Variants in LRRIQ1 observed in about 807,000 individuals in gnomAD.
LRRIQ1 encodes the protein leucine rich repeats and IQ motif containing 1.
LRRIQ1 carries 210 observed loss-of-function variants against 211.9 expected under a neutral mutation model. That is an observed-to-expected ratio of 0.99 (90% CI 0.89 to 1.11). LRRIQ1 has a LOEUF of 1.11. LRRIQ1 is among the 50% of genes most tolerant of loss of function. The pLI is 0.00. For missense variants in LRRIQ1, 2,136 were observed against 1,939.5 expected (o/e 1.10, Z -1.90); for synonymous variants, 699 against 650.1 (o/e 1.08, Z -1.14).
intron 19 of LRRIQ1, among the ~76,000 whole-genome samples, chr12:85,151,432 A>G (rs1035805401): frequency 6.6e-6 from 1 of 151,688 alleles, no homozygotes; most frequent in Non-Finnish European, 1.5e-5. Flanking sequence ...CTAGTTTTAA[A>G]TCATAAAATG....
chr12:85,236,971 A>C (rs1186403759), intron 26 of LRRIQ1, among the ~76,000 whole-genome samples: 2 of 151,096 alleles, frequency 1.3e-5, no homozygotes, highest in African/African-American at 4.9e-5. Context: ...ATAAATGAAT[A>C]ATTGGTTGGA....
At chr12:85,103,867 A>C (rs1462500886) in intron 13 of LRRIQ1, 137 bp from the exon 14 acceptor site, 1 of 338,954 alleles carries the variant, frequency 3.0e-6, no homozygotes, top group Non-Finnish European at 5.3e-6. Context: ...TACAATTATA[A>C]TTGTATATAT....
chr12:85,096,631 C>A (rs1163531824), intron 11 of LRRIQ1, among the ~76,000 whole-genome samples: 9 of 151,542 alleles, frequency 5.9e-5, no homozygotes, highest in African/African-American at 2.2e-4. Context: ...AATGTATATT[C>A]TGTGGTTTAT....
chr12:85,242,013 G>T (rs1895484522), intron 26 of LRRIQ1, among the ~76,000 whole-genome samples: 1 of 151,920 alleles, frequency 6.6e-6, no homozygotes. Flanking sequence ...CGGAAGTGGG[G>T]AGAGCGGCAA....
intron 13 of LRRIQ1, among the ~76,000 whole-genome samples, chr12:85,099,525 A>G (rs912020515): frequency 2.0e-5 from 3 of 151,916 alleles, no homozygotes; most frequent in African/African-American, 7.2e-5. Context: ...CAGAAGATCT[A>G]TTTGAAACCA....
In LRRIQ1 at chr12:85,084,862, G is replaced by T. The variant is rs181330857; in HGVS notation, c.2887+11764G>T. Reference sequence around the variant, plus strand: ...GATCACTTGAACCCAGAAGGCAGAGGTTGCAGTGAGCTGAGATCGCGCCAC... The same window carrying T: ...GATCACTTGAACCCAGAAGGCAGAGTTTGCAGTGAGCTGAGATCGCGCCAC... On this transcript the variant is annotated intron_variant, in intron 11 of 26. Transcript: ENST00000393217. 5.5e-3 allele frequency among the ~76,000 whole-genome samples: 839 copies of T among 151,678 alleles called. 5 individuals carry two copies. The highest frequency in any genetic ancestry group is 0.014 in the Middle Eastern group (4 of 294).
rs746781965 is a variant in LRRIQ1, at chr12:85,124,413, G to A, written c.3901G>A (p.Asp1301Asn). 25 of 1,613,930 alleles carry A rather than the reference G, an allele frequency of 1.5e-5. No individual in the cohort carries two copies. The African/African-American group carries it at 2.8e-4, about 18-fold the overall frequency. ...AATATTAGTATGTCAGAAGAGAGAA[G>A]ACAGCAAGGCAAGCAGTATTCCCAC... ...QEILVCQKRE[D>N]SKASSIPTIR... The change falls in exon 17 of 27, where the codon GAC becomes AAC. Residue 1301 changes from aspartate to asparagine, a missense_variant. Physicochemically the swap from Asp to Asn is conservative, Grantham distance 23. Coordinates refer to ENST00000393217, the MANE Select transcript of LRRIQ1 (RefSeq NM_001079910.2).
At chr12:85,158,066 A>G (rs1890656918) in intron 23 of LRRIQ1, among the ~76,000 whole-genome samples, 1 of 151,868 alleles carries the variant, frequency 6.6e-6, no homozygotes, top group Non-Finnish European at 1.5e-5. Flanking sequence ...TTTCAGAAAG[A>G]TTTTACAAGA....
At chr12:85,231,816 C>A (rs1894954382) in intron 25 of LRRIQ1, among the ~76,000 whole-genome samples, 1 of 152,110 alleles carries the variant, frequency 6.6e-6, no homozygotes, top group South Asian at 2.1e-4. Flanking sequence ...ACCCTCATGA[C>A]CCAAACACCT....
intron 1 of LRRIQ1, among the ~76,000 whole-genome samples, chr12:85,260,815 A>C (rs184404234): frequency 6.6e-6 from 1 of 152,302 alleles, no homozygotes; most frequent in East Asian, 1.9e-4. Flanking sequence ...ATATCAAGCT[A>C]TAGGTTTCCA....
chr12:85,161,685 C>A (rs1890884734), intron 24 of LRRIQ1, among the ~76,000 whole-genome samples: 2 of 152,056 alleles, frequency 1.3e-5, no homozygotes, highest in Admixed American at 1.3e-4. Context: ...TTACACCATC[C>A]TAGAAATGCC....
chr12:85,094,063 A>T (rs1885648272), intron 11 of LRRIQ1, among the ~76,000 whole-genome samples: 1 of 152,194 alleles, frequency 6.6e-6, no homozygotes, highest in Admixed American at 6.6e-5. Flanking sequence ...ATCTCCATAC[A>T]TTCTGAATTA....
chr12:85,138,018 T>C, intron 19 of LRRIQ1, 49 bp downstream of exon 19: 4 of 1,069,156 alleles, frequency 3.7e-6, no homozygotes, highest in Non-Finnish European at 5.4e-6. Context: ...ATACATTAAG[T>C]GTACTATTTT....
chr12:85,084,743 T>C (rs548364704), intron 11 of LRRIQ1, among the ~76,000 whole-genome samples: 22 of 151,930 alleles, frequency 1.4e-4, no homozygotes, highest in African/African-American at 5.3e-4. Flanking sequence ...CTGGCCAACA[T>C]GGTGAAACCC....
chr12:85,081,723 CTTTT>C (rs766961193), intron 11 of LRRIQ1, among the ~76,000 whole-genome samples: 9,333 of 113,096 alleles, frequency 0.083, 326 homozygotes, highest in Middle Eastern at 0.12. Flanking sequence ...TCTTCTTCTT[CTTTT>C]TTTTTTTTTT....
rs779314809 is a variant in LRRIQ1 at position 85,098,488 on chromosome 12, G to A, written c.3021G>A (p.Glu1007=). 1 of 1,611,742 alleles carries A rather than the reference G, an allele frequency of 6.2e-7. No homozygotes were observed. The highest frequency in any genetic ancestry group is 1.1e-5 in the South Asian group (1 of 90,914). The change falls in exon 12 of 27, where the codon GAG becomes GAA. Residue 1007 remains glutamate, a synonymous_variant. Transcript: ENST00000393217. ...CCCATAATCATCTTACTGATGTAGAGGGCGTTGAAAATTGTGGATTGCTCC... is the reference window on the plus strand; with the variant it reads ...CCCATAATCATCTTACTGATGTAGAAGGCGTTGAAAATTGTGGATTGCTCC... ...DCSHNHLTDV[E]GVENCGLLQI... is the part of the protein sequence containing the mutation.
chr12:85,165,857 G>A (rs1436866062), intron 24 of LRRIQ1, among the ~76,000 whole-genome samples: 1 of 152,110 alleles, frequency 6.6e-6, no homozygotes, highest in Non-Finnish European at 1.5e-5. Context: ...CGAGCACCTA[G>A]GTTGATTTCA....
intron 16 of LRRIQ1, 144 bp from the exon 17 acceptor site, chr12:85,123,926 A>G (rs937340844): frequency 6.5e-6 from 4 of 612,404 alleles, no homozygotes; most frequent in Non-Finnish European, 1.1e-5. Flanking sequence ...TTTTATATAA[A>G]CAACTAGAAA....
At chr12:85,206,913 C>A (rs1893584925) in intron 24 of LRRIQ1, among the ~76,000 whole-genome samples, 1 of 152,118 alleles carries the variant, frequency 6.6e-6, no homozygotes, top group African/African-American at 2.4e-5. Context: ...ACTACCATCT[C>A]CTAGCGGAGC....
Sources: gnomAD v4.1 joint callset for allele counts (sites outside exome capture counted in the v4.1 genomes callset) on GRCh38, gnomAD v4.1.1 for gene constraint, MANE v1.5 for transcripts, NCBI Gene and HGNC (gene_info 2026-07-23, HGNC 2026-07-21) for gene names.